ZNF469: variants seen among roughly 807,000 people sequenced by gnomAD.
ZNF469 encodes zinc finger protein 469.
ZNF469 carries 1 observed loss-of-function variant against 1.0 expected under a neutral mutation model. The observed-to-expected ratio is 1.00, with a 90% CI of 0.35 to 4.73. The LOEUF (loss-of-function observed/expected upper bound fraction) is 4.73. Among genes scored for constraint, ZNF469 ranks in the 30% most tolerant of loss-of-function variants. The probability of loss-of-function intolerance (pLI) is 0.16; values close to 1 mark genes in which losing one functional copy is unlikely to be tolerated. For synonymous variants in ZNF469, 2,703 were observed against 2,363.4 expected (o/e 1.14, Z -4.17); for missense variants, 6,100 against 5,356.3 (o/e 1.14, Z -4.33).
the ZNF469 span, among the ~76,000 whole-genome samples, chr16:88,145,402 C>T: frequency 6.6e-6 from 1 of 152,220 alleles, no homozygotes; most frequent in African/African-American, 2.4e-5. Flanking sequence ...TGGCAAATCC[C>T]AGATGCCTTT....
chr16:88,201,779 C>T, the ZNF469 span, among the ~76,000 whole-genome samples: 1 of 152,174 alleles, frequency 6.6e-6, no homozygotes, highest in Non-Finnish European at 1.5e-5. The surrounding 1 kb of genome is among the most constrained non-coding windows in gnomAD (Gnocchi z 5.0). Flanking sequence ...CTGTGGTTTA[C>T]AGATGAGGAA....
chr16:88,293,182 G>T, the ZNF469 span, among the ~76,000 whole-genome samples: 1 of 151,914 alleles, frequency 6.6e-6, no homozygotes, highest in African/African-American at 2.4e-5. Context: ...GAATACATGG[G>T]TGGATGGATG....
chr16:88,140,812 A>G, the ZNF469 span, among the ~76,000 whole-genome samples: 16 of 152,176 alleles, frequency 1.1e-4, no homozygotes, highest in Non-Finnish European at 1.5e-4. Context: ...GGGCGCCTAT[A>G]ATCCCTGCTA....
At chr16:88,190,367 C>G in the ZNF469 span, among the ~76,000 whole-genome samples, 1 of 152,276 alleles carries the variant, frequency 6.6e-6, no homozygotes, top group Non-Finnish European at 1.5e-5. Context: ...AGTCCCAGCA[C>G]AGCCCCACCA....
At position 88,436,786 on chromosome 16, in the gene ZNF469, C is replaced by T. The variant is rs1292941352; in HGVS notation, c.9316C>T (p.Arg3106Trp). 5.8e-6 allele frequency: 9 copies of T among 1,544,642 alleles called. No individual in the cohort carries two copies. Among genetic ancestry groups the T allele is most frequent in the Admixed American group, 2.0e-5 (1 of 50,914 alleles). ...AGAGRAQGRG[R>W]PAKGRRASYK... ...GGCAGGGAGGGCCCAAGGCAGAGGC[C>T]GGCCGGCCAAGGGCAGGCGGGCCTC... Residue 3106 changes from arginine to tryptophan, a missense_variant, in exon 3 of 3, where the codon CGG becomes TGG. Arg to Trp is a moderately radical substitution (Grantham distance 101). Coordinates refer to ENST00000565624, the MANE Select transcript of ZNF469 (RefSeq NM_001367624.2).
intron 1 of ZNF469, among the ~76,000 whole-genome samples, chr16:88,407,907 C>G (rs1051362387): frequency 6.6e-6 from 1 of 152,248 alleles, no homozygotes; most frequent in Non-Finnish European, 1.5e-5. Context: ...TGCACACACC[C>G]GGCCATGCCT....
the ZNF469 span, among the ~76,000 whole-genome samples, chr16:88,112,322 A>T: frequency 6.6e-6 from 1 of 152,200 alleles, no homozygotes; most frequent in Non-Finnish European, 1.5e-5. Context: ...GCTGGATCCT[A>T]TGGTAGCTCA....
Position 88,434,905 on chromosome 16 carries a change from G to A in ZNF469, c.7435G>A (p.Ala2479Thr). ...GCCTGTGACCTGTGAGGTCTGCGCA[G>A]CCTCCTTCCGCTCCGGGCCGGGCCT... ...HGPVTCEVCAASFRSGPGLSR... is the reference protein window; with the variant it reads ...HGPVTCEVCATSFRSGPGLSR... Residue 2479 changes from alanine to threonine, a missense_variant, in exon 3 of 3, where the codon GCC becomes ACC. Coordinates refer to ENST00000565624, the MANE Select transcript of ZNF469 (RefSeq NM_001367624.2). The A allele has an allele frequency of 6.5e-7, 1 of 1,550,290 alleles. No individual in the cohort carries two copies.
chr16:88,401,681 G>GGGC (rs1195241575), intron 1 of ZNF469, among the ~76,000 whole-genome samples: 2 of 18,924 alleles, frequency 1.1e-4, no homozygotes, highest in African/African-American at 4.6e-4. Flanking sequence ...GTGAGTGCAT[G>GGGC]GATGGATGGA....
At position 88,431,920 on chromosome 16, in the gene ZNF469, T is replaced by C. The variant is rs1270931451; in HGVS notation, c.4450T>C (p.Cys1484Arg). The C allele has an allele frequency of 2.6e-6, 4 of 1,549,680 alleles. No individual in the cohort carries two copies. In the South Asian group the frequency reaches 4.8e-5, roughly 18 times the overall value. ...ANRDSGLPFACADPPQKTVPS... is the reference protein window; with the variant it reads ...ANRDSGLPFARADPPQKTVPS... ...CAGGGACTCCGGTCTGCCGTTCGCATGTGCCGACCCTCCCCAGAAGACGGT... is the reference window on the plus strand; with the variant it reads ...CAGGGACTCCGGTCTGCCGTTCGCACGTGCCGACCCTCCCCAGAAGACGGT... Residue 1484 changes from cysteine (C) to arginine (R), a missense_variant, in exon 3 of 3, where the codon TGT becomes CGT. Transcript: ENST00000565624.
chr16:88,401,403 C>A (rs959029297), intron 1 of ZNF469, among the ~76,000 whole-genome samples: 14 of 80,944 alleles, frequency 1.7e-4, no homozygotes, highest in Non-Finnish European at 3.2e-4. Context: ...AGGCCCAAGA[C>A]CCAGATTCTA....
At chr16:88,255,503 A>T in the ZNF469 span, among the ~76,000 whole-genome samples, 1 of 152,240 alleles carries the variant, frequency 6.6e-6, no homozygotes, top group African/African-American at 2.4e-5. Flanking sequence ...GAGATTTCCC[A>T]TATATCCTCT....
the ZNF469 span, among the ~76,000 whole-genome samples, chr16:88,341,610 G>T: frequency 6.6e-6 from 1 of 152,222 alleles, no homozygotes; most frequent in Admixed American, 6.5e-5. Flanking sequence ...CTCACAGCTG[G>T]GACGGAGCCA....
At chr16:88,122,899 G>A in the ZNF469 span, among the ~76,000 whole-genome samples, 1 of 151,974 alleles carries the variant, frequency 6.6e-6, no homozygotes, top group South Asian at 2.1e-4. Flanking sequence ...CTGGAGTGCA[G>A]TGGTGCAATC....
chr16:88,348,056 T>C, the ZNF469 span, among the ~76,000 whole-genome samples: 1 of 152,360 alleles, frequency 6.6e-6, no homozygotes, highest in African/African-American at 2.4e-5. Flanking sequence ...ATGGTCGTGG[T>C]GGGCCAGGGA....
At chr16:88,213,631 A>T in the ZNF469 span, among the ~76,000 whole-genome samples, 1 of 152,096 alleles carries the variant, frequency 6.6e-6, no homozygotes, top group Admixed American at 6.5e-5. Context: ...TCACGATGCC[A>T]TTTCCAAAGG....
the ZNF469 span, among the ~76,000 whole-genome samples, chr16:88,168,805 A>T: frequency 6.6e-6 from 1 of 151,778 alleles, no homozygotes; most frequent in Non-Finnish European, 1.5e-5. This position sits in a 1 kb window ranked among gnomAD's most constrained non-coding sequence, Gnocchi z 4.3. Context: ...GAAAAATAAG[A>T]CTCTGAGGCT....
At chr16:88,237,152 G>GTGCTCCTGCCAGTC in the ZNF469 span, among the ~76,000 whole-genome samples, 1 of 70,336 alleles carries the variant, frequency 1.4e-5, no homozygotes, top group Non-Finnish European at 3.0e-5. Flanking sequence ...TCCTGCCACG[G>GTGCTCCTGCCAGTC]ACCCTCCCTG....
chr16:88,240,838 C>T, the ZNF469 span, among the ~76,000 whole-genome samples: 2 of 152,168 alleles, frequency 1.3e-5, no homozygotes, highest in Non-Finnish European at 2.9e-5. Context: ...CCCACTTCCC[C>T]TCCCCAGCTG....
Sources: allele counts gnomAD v4.1 joint callset (sites outside exome capture counted in the v4.1 genomes callset), GRCh38; gene constraint gnomAD v4.1.1; non-coding constraint Gnocchi (gnomAD v3.1); transcripts MANE v1.5; gene names NCBI Gene and HGNC (gene_info 2026-07-23, HGNC 2026-07-21).